Variants in PTPRK observed in about 807,000 individuals in gnomAD.
PTPRK encodes protein tyrosine phosphatase receptor type K.
A neutral mutation model predicts 178.0 loss-of-function variants in PTPRK; 75 were observed. The observed-to-expected ratio is 0.42, with a 90% CI of 0.35 to 0.51. The LOEUF is 0.51. Among genes scored for constraint, PTPRK ranks in the 20% least tolerant of loss-of-function variants. PTPRK has a pLI of 0.02. For missense variants in PTPRK, 1,441 were observed against 1,797.8 expected (o/e 0.80, Z 3.59); for synonymous variants, 637 against 620.6 (o/e 1.03, Z -0.39).
intron 6 of PTPRK, among the ~76,000 whole-genome samples, chr6:128,210,710 C>T (rs1807986273): frequency 6.6e-6 from 1 of 151,746 alleles, no homozygotes; most frequent in Admixed American, 6.6e-5. Flanking sequence ...TTTTTTTTCC[C>T]CCTTAATGTG....
intron 21 of PTPRK, among the ~76,000 whole-genome samples, chr6:127,990,204 G>GTATT (rs763546009): frequency 6.6e-6 from 1 of 151,972 alleles, no homozygotes; most frequent in Non-Finnish European, 1.5e-5. Context: ...CCTTCATTTT[G>GTATT]TATTTCTTTC....
chr6:128,236,140 T>C (rs1334887420), intron 5 of PTPRK, among the ~76,000 whole-genome samples: 1 of 152,148 alleles, frequency 6.6e-6, no homozygotes, highest in East Asian at 1.9e-4. Flanking sequence ...CCCCCAAGGA[T>C]AGGAGAACAC....
chr6:128,496,574 T>A (rs1013649413), intron 1 of PTPRK, among the ~76,000 whole-genome samples: 4 of 152,210 alleles, frequency 2.6e-5, no homozygotes, highest in African/African-American at 9.6e-5. Context: ...GGTCCAGATG[T>A]TATCCTTACA....
chr6:128,328,440 C>A (rs1829853526), intron 2 of PTPRK, among the ~76,000 whole-genome samples: 1 of 152,140 alleles, frequency 6.6e-6, no homozygotes, highest in Admixed American at 6.5e-5. Context: ...ATTGAGGCAG[C>A]ACTAGTTCTA....
intron 1 of PTPRK, among the ~76,000 whole-genome samples, chr6:128,517,986 C>T (rs1172205341): frequency 2.6e-5 from 4 of 151,876 alleles, no homozygotes; most frequent in Non-Finnish European, 5.9e-5. Context: ...AATCTGACTG[C>T]CATAGAATTT....
chr6:128,165,256 A>G (rs1199142199), intron 7 of PTPRK, among the ~76,000 whole-genome samples: 1 of 151,464 alleles, frequency 6.6e-6, no homozygotes, highest in Non-Finnish European at 1.5e-5. Flanking sequence ...TATATAAAAA[A>G]GAAATAATTT....
intron 21 of PTPRK, among the ~76,000 whole-genome samples, chr6:127,988,674 C>A (rs566987682): frequency 2.7e-4 from 41 of 152,154 alleles, no homozygotes; most frequent in African/African-American, 9.1e-4. Flanking sequence ...CATAGCTTTT[C>A]TAATAGCAAG....
At chr6:128,505,879 T>A (rs748831356) in intron 1 of PTPRK, among the ~76,000 whole-genome samples, 1 of 152,222 alleles carries the variant, frequency 6.6e-6, no homozygotes, top group African/African-American at 2.4e-5. Flanking sequence ...CTTTCCACCA[T>A]GTGCCAGGAC....
At chr6:128,388,859 G>A (rs1839147471) in intron 2 of PTPRK, among the ~76,000 whole-genome samples, 1 of 152,076 alleles carries the variant, frequency 6.6e-6, no homozygotes, top group African/African-American at 2.4e-5. Context: ...GACCTAACAT[G>A]GATAAAAATT....
At chr6:128,400,847 C>A (rs1415538422) in intron 1 of PTPRK, among the ~76,000 whole-genome samples, 1 of 152,042 alleles carries the variant, frequency 6.6e-6, no homozygotes. Context: ...TTAAAACATA[C>A]CTTATGAATT....
intron 7 of PTPRK, among the ~76,000 whole-genome samples, chr6:128,183,784 T>A (rs950822785): frequency 1.1e-5 from 1 of 92,942 alleles, no homozygotes; most frequent in Non-Finnish European, 2.1e-5. Flanking sequence ...TGTGGTTATA[T>A]ACAATTTTTT....
At chr6:128,439,567 GGGGTAAAGAGAAAGTATCACAAAAA>G (rs1285490583) in intron 1 of PTPRK, among the ~76,000 whole-genome samples, 1 of 152,068 alleles carries the variant, frequency 6.6e-6, no homozygotes, top group Non-Finnish European at 1.5e-5. Context: ...CCTATGCTTT[GGGGTAAAGAGAAAGTATCACAAAAA>G]CAGTCCAAAC....
At chr6:128,123,209 T>A (rs1055908128) in intron 7 of PTPRK, among the ~76,000 whole-genome samples, 3 of 151,784 alleles carry the variant, frequency 2.0e-5, no homozygotes, top group African/African-American at 7.3e-5. Context: ...AAGCCAGGAG[T>A]CACCAGAGGC....
chr6:128,443,724 G>A (rs906277228), intron 1 of PTPRK, among the ~76,000 whole-genome samples: 2 of 152,224 alleles, frequency 1.3e-5, no homozygotes, highest in African/African-American at 4.8e-5. Context: ...GAAGGTTGGA[G>A]GAAGAAAATA....
intron 7 of PTPRK, among the ~76,000 whole-genome samples, chr6:128,131,555 A>G (rs1184389408): frequency 6.6e-6 from 1 of 152,180 alleles, no homozygotes; most frequent in Non-Finnish European, 1.5e-5. Flanking sequence ...TCAGCATATA[A>G]TAAAAATTCA....
chr6:128,514,710 G>A (rs1221385484), intron 1 of PTPRK, among the ~76,000 whole-genome samples: 3 of 151,984 alleles, frequency 2.0e-5, no homozygotes, highest in African/African-American at 4.8e-5. Flanking sequence ...ATCAACACAC[G>A]AAGGAGAATG....
intron 7 of PTPRK, among the ~76,000 whole-genome samples, chr6:128,093,581 CAA>C (rs1787364054): frequency 1.1e-5 from 1 of 87,882 alleles, no homozygotes. Flanking sequence ...GGTGACAGAG[CAA>C]GAGACTCTCT....
In PTPRK at chr6:127,996,908, A is replaced by T. The variant is rs774466780; in HGVS notation, c.2760T>A (p.Ile920=). The change falls in exon 17 of 30, where the codon ATT becomes ATA. Residue 920 remains isoleucine (I), a synonymous_variant. Transcript: ENST00000368226. ...QNRAKNRYGN[I]IAYDHSRVIL... ...AATTGAATGGGAACTTACATGCTAT[A>T]ATGTTTCCATATCGGTTTTTTGCTC... 2.2e-5 allele frequency: 35 copies of T among 1,609,926 alleles called. No homozygotes were observed. Among genetic ancestry groups the T allele is most frequent in the Non-Finnish European group, 2.8e-5 (33 of 1,177,792 alleles).
chr6:128,368,954 A>AAAC (rs1835893416), intron 2 of PTPRK, among the ~76,000 whole-genome samples: 1 of 151,780 alleles, frequency 6.6e-6, no homozygotes, highest in Admixed American at 6.6e-5. Context: ...AACAAACAAA[A>AAAC]AAAAAAACAC....
Sources: allele counts gnomAD v4.1 joint callset (sites outside exome capture counted in the v4.1 genomes callset), GRCh38; gene constraint gnomAD v4.1.1; transcripts MANE v1.5; gene names NCBI Gene and HGNC (gene_info 2026-07-23, HGNC 2026-07-21).